NAALADL2: variants seen among roughly 807,000 people sequenced by gnomAD.
NAALADL2 encodes the protein N-acetylated alpha-linked acidic dipeptidase like 2, also known as inactive N-acetylated-alpha-linked acidic dipeptidase-like protein 2.
In NAALADL2, 76 loss-of-function variants were observed where a neutral mutation model predicts 87.2. The ratio of observed to expected loss-of-function variants is 0.87; its 90% CI spans 0.72 to 1.05. NAALADL2 has a LOEUF of 1.05. NAALADL2 is among the 50% of genes least tolerant of loss of function. The pLI, the probability that NAALADL2 is intolerant of heterozygous loss-of-function variation, is 0.00. For synonymous variants in NAALADL2, 354 were observed against 331.0 expected (o/e 1.07, Z -0.75); for missense variants, 1,089 against 945.8 (o/e 1.15, Z -1.99).
intron 2 of NAALADL2, among the ~76,000 whole-genome samples, chr3:175,205,220 T>C (rs908375559): frequency 3.9e-5 from 6 of 152,106 alleles, no homozygotes; most frequent in Non-Finnish European, 7.4e-5. Context: ...TAAAGCCATA[T>C]TCACCAAAAC....
chr3:175,233,598 C>T (rs1745336746), intron 2 of NAALADL2, among the ~76,000 whole-genome samples: 1 of 152,040 alleles, frequency 6.6e-6, no homozygotes, highest in Non-Finnish European at 1.5e-5. Flanking sequence ...CATACCAGGA[C>T]ATCAGGCTAA....
intron 2 of NAALADL2, among the ~76,000 whole-genome samples, chr3:174,566,956 T>C (rs1714359532): frequency 6.6e-6 from 1 of 151,702 alleles, no homozygotes; most frequent in Non-Finnish European, 1.5e-5. Context: ...CTTGGATAAG[T>C]ATATATCAAA....
rs184350197 is a variant in NAALADL2 at position 174,737,219 on chromosome 3, C to T, written c.-114-422C>T. Among the ~76,000 whole-genome samples the T allele has an allele frequency of 2.3e-3, 351 of 152,348 alleles. 2 individuals carry two copies. Among genetic ancestry groups the T allele is most frequent in the African/African-American group, 8.0e-3 (334 of 41,582 alleles). ...ACCTCTATATTCCCCAGGCAGGTCTCAGATTCCTGGGCTTAAGCAATTTCT... is the reference window on the plus strand; with the variant it reads ...ACCTCTATATTCCCCAGGCAGGTCTTAGATTCCTGGGCTTAAGCAATTTCT... On this transcript the variant is annotated intron_variant, in intron 2 of 3. Transcript: ENST00000434257.
chr3:174,538,898 C>T (rs985947442), intron 1 of NAALADL2, among the ~76,000 whole-genome samples: 1 of 152,196 alleles, frequency 6.6e-6, no homozygotes, highest in South Asian at 2.1e-4. Context: ...TTGATTGATG[C>T]CTTATGTCTC....
Position 175,324,168 on chromosome 3 carries a change from C to T in NAALADL2, c.940-7C>T. The T allele has an allele frequency of 5.0e-6, 8 of 1,611,706 alleles. No individual in the cohort carries two copies. The highest frequency in any genetic ancestry group is 6.8e-6 in the Non-Finnish European group (8 of 1,178,956). ...AATATTTTTAATAGCTTGCTTCCCT[C>T]TTTTAGCTTTCCTCATTGGAAAAGG... is the stretch of plus-strand genomic sequence containing the variant. On this transcript the variant is annotated splice_region_variant and splice_polypyrimidine_tract_variant and intron_variant, in intron 4 of 13. Transcript: ENST00000454872.
chr3:175,742,601 G>T (rs1453732149), intron 12 of NAALADL2, among the ~76,000 whole-genome samples: 1 of 152,060 alleles, frequency 6.6e-6, no homozygotes, highest in Admixed American at 6.6e-5. Context: ...GTTTCACCGT[G>T]TTAGCCAGGA....
chr3:175,629,263 T>C lies in NAALADL2; in HGVS notation c.1896+1877T>C, dbSNP rs1408645310. Reference sequence around the variant, plus strand: ...AACATATATGATATATTTCTAATACTTGGAGATTTTATATATAGATGTATA... The same window carrying C: ...AACATATATGATATATTTCTAATACCTGGAGATTTTATATATAGATGTATA... On this transcript the variant is annotated intron_variant, in intron 11 of 13. Coordinates refer to ENST00000454872, the MANE Select transcript of NAALADL2 (RefSeq NM_207015.3). 6.4e-5 allele frequency among the ~76,000 whole-genome samples: 9 copies of C among 141,076 alleles called. No individual in the cohort carries two copies. The East Asian group carries it at 1.8e-3, about 28-fold the overall frequency. The allele number at this position is 141,076 out of a possible 152,430, so 92.6% of individuals were successfully genotyped here. A position where few individuals can be genotyped will look rare whatever the true frequency, so the allele number is the denominator to read the frequency against.
intron 2 of NAALADL2, among the ~76,000 whole-genome samples, chr3:175,137,112 T>G (rs1455647963): frequency 6.6e-6 from 1 of 152,158 alleles, no homozygotes; most frequent in African/African-American, 2.4e-5. Flanking sequence ...AGTCTTAAGC[T>G]TGTCTCTTTC....
chr3:175,011,792 T>C (rs1749860951), intron 1 of NAALADL2, among the ~76,000 whole-genome samples: 1 of 152,172 alleles, frequency 6.6e-6, no homozygotes, highest in Non-Finnish European at 1.5e-5. Flanking sequence ...CTAAGTTATG[T>C]TCCCTCCAGT....
chr3:175,749,810 G>T (rs548270262), intron 12 of NAALADL2, among the ~76,000 whole-genome samples: 14 of 152,154 alleles, frequency 9.2e-5, no homozygotes, highest in Non-Finnish European at 1.8e-4. Context: ...AAATTCAGTG[G>T]ATACAGTCGT....
intron 13 of NAALADL2, among the ~76,000 whole-genome samples, chr3:175,787,679 G>A (rs1017672353): frequency 1.4e-4 from 21 of 151,900 alleles, no homozygotes; most frequent in Admixed American, 2.6e-4. Flanking sequence ...CTTCTGCGTC[G>A]CTCACGCTGG....
At chr3:175,316,530 G>A (rs34592904) in intron 4 of NAALADL2, among the ~76,000 whole-genome samples, 21,108 of 151,990 alleles carry the variant, frequency 0.14, 1,545 homozygotes, top group Admixed American at 0.17. Flanking sequence ...ACTTGACCCC[G>A]TTTTTCAGGA....
chr3:175,279,397 G>A (rs999289182), intron 4 of NAALADL2, among the ~76,000 whole-genome samples: 15 of 152,050 alleles, frequency 9.9e-5, no homozygotes, highest in African/African-American at 3.6e-4. Flanking sequence ...CCACCTTAAT[G>A]TGGATTTTAA....
intron 2 of NAALADL2, among the ~76,000 whole-genome samples, chr3:174,603,982 T>C (rs1489769067): frequency 6.6e-6 from 1 of 152,178 alleles, no homozygotes; most frequent in Non-Finnish European, 1.5e-5. Flanking sequence ...TGACCTTACA[T>C]ATGGTCTATC....
chr3:175,156,067 T>C (rs1417318443), intron 2 of NAALADL2, among the ~76,000 whole-genome samples: 3 of 152,114 alleles, frequency 2.0e-5, no homozygotes. Flanking sequence ...ATTTCCAAAG[T>C]GGTAGGTAAA....
intron 1 of NAALADL2, among the ~76,000 whole-genome samples, chr3:174,865,499 T>C (rs1419073923): frequency 6.6e-6 from 1 of 152,028 alleles, no homozygotes; most frequent in Non-Finnish European, 1.5e-5. Flanking sequence ...TATCTTCCTC[T>C]TTATTTATGA....
At chr3:175,284,041 C>T (rs78083887) in intron 4 of NAALADL2, among the ~76,000 whole-genome samples, 37 of 152,100 alleles carry the variant, frequency 2.4e-4, no homozygotes, top group African/African-American at 8.9e-4. Flanking sequence ...TCAAAAAACT[C>T]GTGTCTTTGC....
intron 1 of NAALADL2, among the ~76,000 whole-genome samples, chr3:174,964,930 G>C (rs1254897696): frequency 6.6e-6 from 1 of 151,632 alleles, no homozygotes; most frequent in African/African-American, 2.4e-5. Flanking sequence ...TAGTTGGATT[G>C]AGCTGAAATG....
In NAALADL2 at chr3:174,479,341, A is replaced by G. The variant is rs900291601; in HGVS notation, c.-184+38309A>G. 2.0e-5 allele frequency among the ~76,000 whole-genome samples: 3 copies of G among 152,198 alleles called. No individual in the cohort carries two copies. In the South Asian group the frequency reaches 6.2e-4, roughly 31 times the overall value. Reference sequence around the variant, plus strand: ...TGAGTCAAGTAATATGCTAAGTATTATCCTATTTATTCACTAAAATAGGGT... The same window carrying G: ...TGAGTCAAGTAATATGCTAAGTATTGTCCTATTTATTCACTAAAATAGGGT... On this transcript the variant is annotated intron_variant, in intron 1 of 3. Transcript: ENST00000434257.
Sources: allele counts gnomAD v4.1 joint callset (sites outside exome capture counted in the v4.1 genomes callset), GRCh38; gene constraint gnomAD v4.1.1; transcripts MANE v1.5; gene names NCBI Gene and HGNC (gene_info 2026-07-23, HGNC 2026-07-21).